The following RNF175 variants were observed in gnomAD, a reference collection of about 807,000 sequenced individuals.
RNF175 encodes ring finger protein 175.
A neutral mutation model predicts 50.0 loss-of-function variants in RNF175; 38 were observed. The observed-to-expected ratio is 0.76, with a 90% CI of 0.59 to 1.00. The LOEUF (loss-of-function observed/expected upper bound fraction) is 1.00. RNF175 is among the 50% of genes least tolerant of loss of function. The pLI is 0.00. For missense variants in RNF175, 388 were observed against 409.6 expected (o/e 0.95, Z 0.46); for synonymous variants, 155 against 146.1 (o/e 1.06, Z -0.44).
intron 6 of RNF175, among the ~76,000 whole-genome samples, chr4:153,718,234 G>GTTTTTTTTTTTTTT (rs1276542726): frequency 4.7e-5 from 3 of 64,256 alleles, no homozygotes; most frequent in Non-Finnish European, 8.6e-5. Context: ...TTGTTTGTTT[G>GTTTTTTTTTTTTTT]TTTGTTTTTT....
chr4:153,741,965 C>G (rs1348515336), intron 3 of RNF175, among the ~76,000 whole-genome samples: 1 of 152,078 alleles, frequency 6.6e-6, no homozygotes, highest in East Asian at 1.9e-4. Flanking sequence ...GGAAAATGTC[C>G]TCAGAAAAAG....
In RNF175 at chr4:153,715,546, C is replaced by T; in HGVS notation, c.747G>A (p.Gln249=). The T allele has an allele frequency of 6.2e-7, 1 of 1,602,542 alleles. No homozygotes were observed. ...DEEGLIENTY[Q]LSCNHVFHEF... is the part of the protein sequence containing the mutation. ...AAGGATACACATGATTACAGGAAAG[C>T]TGGTAGGTGTTTTCAATGAGCCCTT... Residue 249 remains glutamine (Q), a synonymous_variant, in exon 7 of 9, where the codon CAG becomes CAA. Coordinates refer to ENST00000347063, the MANE Select transcript of RNF175 (RefSeq NM_173662.4).
intron 1 of RNF175, among the ~76,000 whole-genome samples, chr4:153,756,564 T>C (rs547656597): frequency 6.6e-6 from 1 of 152,180 alleles, no homozygotes; most frequent in Non-Finnish European, 1.5e-5. Context: ...CTCACAAACA[T>C]GCCCCCTTCT....
chr4:153,731,153 G>A (rs888437271), intron 3 of RNF175, among the ~76,000 whole-genome samples: 6 of 152,084 alleles, frequency 3.9e-5, no homozygotes, highest in Non-Finnish European at 7.4e-5. Flanking sequence ...TGATTGCATG[G>A]CTAGTCATTT....
chr4:153,741,478 C>T (rs774781978), intron 3 of RNF175, among the ~76,000 whole-genome samples: 53 of 152,206 alleles, frequency 3.5e-4, no homozygotes, highest in Non-Finnish European at 1.3e-4. Context: ...GCACTGCTTC[C>T]AGCAATCCTT....
intron 1 of RNF175, among the ~76,000 whole-genome samples, chr4:153,758,273 T>C (rs1740653389): frequency 6.6e-6 from 1 of 152,216 alleles, no homozygotes; most frequent in Non-Finnish European, 1.5e-5. Flanking sequence ...CACCCTGGGA[T>C]CTGGTTAAAA....
chr4:153,755,097 G>C (rs930308305), intron 1 of RNF175, among the ~76,000 whole-genome samples: 3 of 152,220 alleles, frequency 2.0e-5, no homozygotes, highest in African/African-American at 7.2e-5. Flanking sequence ...CTGCAGGCAG[G>C]GCTGTAAGAG....
intron 8 of RNF175, among the ~76,000 whole-genome samples, chr4:153,712,096 T>C (rs1268249154): frequency 1.3e-5 from 2 of 152,206 alleles, no homozygotes; most frequent in African/African-American, 4.8e-5. Context: ...AAAATTTCAA[T>C]TCCAATTTTT....
chr4:153,716,618 T>A (rs978710056), intron 6 of RNF175, among the ~76,000 whole-genome samples: 19 of 152,044 alleles, frequency 1.2e-4, no homozygotes, highest in African/African-American at 4.6e-4. Flanking sequence ...GATACAAAAA[T>A]ATTACAGAGA....
chr4:153,728,735 C>T (rs968171310), intron 3 of RNF175, among the ~76,000 whole-genome samples: 5 of 152,066 alleles, frequency 3.3e-5, no homozygotes, highest in Admixed American at 6.5e-5. Flanking sequence ...CTCACTGAGG[C>T]GGGGATCAAA....
chr4:153,739,642 T>A (rs1383388298), intron 3 of RNF175, among the ~76,000 whole-genome samples: 1 of 152,234 alleles, frequency 6.6e-6, no homozygotes, highest in Non-Finnish European at 1.5e-5. Flanking sequence ...TCTTTCACTT[T>A]GAAGTGAATT....
intron 3 of RNF175, among the ~76,000 whole-genome samples, chr4:153,745,999 T>C (rs1272020420): frequency 6.6e-6 from 1 of 152,218 alleles, no homozygotes; most frequent in Non-Finnish European, 1.5e-5. Context: ...TAAAATATAT[T>C]CATTTCATCC....
In RNF175 at chr4:153,748,632, G is replaced by A. The variant is rs769034356; in HGVS notation, c.246+13C>T. 1.1e-5 allele frequency: 17 copies of A among 1,566,994 alleles called. No homozygotes were observed. The highest frequency in any genetic ancestry group is 8.3e-5 in the South Asian group (7 of 84,356). ...GCTGGAGCAGGCTCCCAGCAGCCAC[G>A]GGGATGACTCACATTGTAGGATCGG... On this transcript the variant is annotated intron_variant, in intron 3 of 8. Transcript: ENST00000347063.
At chr4:153,727,516 A>C (rs555219011) in intron 4 of RNF175, 1 of 152,362 alleles carries the variant, frequency 6.6e-6, no homozygotes, top group South Asian at 2.1e-4. Flanking sequence ...CTTATGATTT[A>C]TTCTTCCAAA....
At chr4:153,743,542 T>TGG (rs147733473) in intron 3 of RNF175, among the ~76,000 whole-genome samples, 1 of 152,008 alleles carries the variant, frequency 6.6e-6, no homozygotes, top group African/African-American at 2.4e-5. Context: ...TCCTTGACTA[T>TGG]GGTGGGGGCA....
At chr4:153,723,136 T>G (rs1738454642) in intron 5 of RNF175, 1 of 330,470 alleles carries the variant, frequency 3.0e-6, no homozygotes, top group Admixed American at 4.4e-5. Flanking sequence ...AAATTCTCCT[T>G]AAAGCTCCTA....
intron 1 of RNF175, among the ~76,000 whole-genome samples, chr4:153,757,543 T>C (rs923538649): frequency 4.6e-5 from 7 of 152,062 alleles, no homozygotes; most frequent in African/African-American, 1.7e-4. Context: ...GTAGGAATGT[T>C]AGGTTTAGAG....
intron 3 of RNF175, among the ~76,000 whole-genome samples, chr4:153,740,879 A>G (rs1365680214): frequency 6.6e-6 from 1 of 152,126 alleles, no homozygotes; most frequent in East Asian, 1.9e-4. Flanking sequence ...TTTGGCTAGG[A>G]GTTGGGCTGT....
chr4:153,723,244 G>T, intron 5 of RNF175, 107 bp downstream of exon 5: 1 of 615,262 alleles, frequency 1.6e-6, no homozygotes, highest in Non-Finnish European at 3.0e-6. Context: ...AAACATGTGT[G>T]CATGGAAAAT....
Sources: allele counts gnomAD v4.1 joint callset (sites outside exome capture counted in the v4.1 genomes callset), GRCh38; gene constraint gnomAD v4.1.1; transcripts MANE v1.5; gene names NCBI Gene and HGNC (gene_info 2026-07-23, HGNC 2026-07-21).